Variants in FAM133B observed in about 807,000 individuals in gnomAD.
FAM133B encodes the protein family with sequence similarity 133 member B.
A neutral mutation model predicts 46.4 loss-of-function variants in FAM133B; 25 were observed. That is an observed-to-expected ratio of 0.54 (90% CI 0.39 to 0.75). FAM133B has a LOEUF of 0.75. Ranked by LOEUF, FAM133B falls within the 30% of genes least tolerant of loss-of-function variation. FAM133B has a pLI of 0.00. For missense variants in FAM133B, 205 were observed against 277.6 expected, an observed-to-expected ratio of 0.74 and a Z score of 1.86; for synonymous variants, 75 against 86.0, an observed-to-expected ratio of 0.87 and a Z score of 0.71.
At chr7:92,575,573 C>A (rs927005710) in intron 8 of FAM133B, among the ~76,000 whole-genome samples, 198 bp downstream of exon 8, 1 of 152,174 alleles carries the variant, frequency 6.6e-6, no homozygotes, top group African/African-American at 2.4e-5. Context: ...TATATAAATT[C>A]AAACTCTTGG....
At chr7:92,577,600 G>T in intron 6 of FAM133B, 55 bp downstream of exon 6, 1 of 1,404,412 alleles carries the variant, frequency 7.1e-7, no homozygotes, top group South Asian at 1.4e-5. Context: ...GTTTCCACTT[G>T]ACATTAAAGA....
intron 1 of FAM133B, among the ~76,000 whole-genome samples, chr7:92,585,712 A>C (rs942424815): frequency 3.9e-5 from 6 of 152,218 alleles, no homozygotes; most frequent in East Asian, 1.9e-4. Context: ...TTTAAAAATC[A>C]GAAAAATTAG....
At chr7:92,590,105 C>T in intron 1 of FAM133B, 163 bp downstream of exon 1, 2 of 986,640 alleles carry the variant, frequency 2.0e-6, no homozygotes, top group Admixed American at 2.7e-5. Flanking sequence ...CAACTGCGTG[C>T]GCGGCGCACG....
chr7:92,581,474 G>A lies in FAM133B; in HGVS notation c.122+32C>T, dbSNP rs950967742. 9.0e-6 allele frequency: 14 copies of A among 1,553,564 alleles called. No individual in the cohort carries two copies. The African/African-American group carries it at 1.8e-4, about 20-fold the overall frequency. On this transcript the variant is annotated intron_variant, in intron 2 of 10. Coordinates refer to ENST00000445716, the MANE Select transcript of FAM133B (RefSeq NM_152789.4). The stretch of plus-strand genomic sequence containing the variant: ...AATAAACTTTAAAAAGTTGATAAAA[G>A]CTTATAAATAGGTAAAGTGTTTCAC...
At chr7:92,563,732 A>G (rs1311391806) in intron 10 of FAM133B, among the ~76,000 whole-genome samples, 2 of 152,158 alleles carry the variant, frequency 1.3e-5, no homozygotes, top group Non-Finnish European at 2.9e-5. Context: ...CCAAATCCTC[A>G]GCCATCTTAG....
In FAM133B at chr7:92,565,149, CTTTTTT is replaced by C. The variant is rs72450473; in HGVS notation, c.657+859_657+864del. ...CAAACAGAAATTTGAGCTTATATTT[CTTTTTT>C]TTTTTTTTTTTTTAAGACGGAGTCT... is the stretch of plus-strand genomic sequence containing the variant. On this transcript the variant is annotated intron_variant, in intron 10 of 10. Transcript: ENST00000445716. Among the ~76,000 whole-genome samples the C allele has an allele frequency of 1.5e-5, 2 of 130,466 alleles. 1 individual carries two copies. The highest frequency in any genetic ancestry group is 3.3e-5 in the Non-Finnish European group (2 of 60,860). 85.6% of individuals were successfully genotyped at this position (130,466 alleles called of 152,430 possible). A position where few individuals can be genotyped will look rare whatever the true frequency, so the allele number is the denominator to read the frequency against.
intron 8 of FAM133B, among the ~76,000 whole-genome samples, chr7:92,575,258 C>T (rs1585306107): frequency 6.6e-6 from 1 of 152,246 alleles, no homozygotes. Flanking sequence ...GGCGCATCAC[C>T]TGAGGTCAGG....
intron 8 of FAM133B, among the ~76,000 whole-genome samples, chr7:92,574,316 A>C (rs920622111): frequency 6.6e-6 from 1 of 152,268 alleles, no homozygotes; most frequent in African/African-American, 2.4e-5. Context: ...GCTGAAAGAC[A>C]CAAAAGGTCG....
chr7:92,576,956 G>T, intron 7 of FAM133B, 147 bp downstream of exon 7: 1 of 418,346 alleles, frequency 2.4e-6, no homozygotes, highest in Non-Finnish European at 4.3e-6. Context: ...TCACATGCAA[G>T]ATATTATCAA....
intron 9 of FAM133B, among the ~76,000 whole-genome samples, chr7:92,569,364 TATG>T (rs201190573): frequency 0.012 from 1,877 of 152,320 alleles, 39 homozygotes; most frequent in Middle Eastern, 0.044. Flanking sequence ...AACGAAGTAA[TATG>T]ATATGTTTCC....
intron 1 of FAM133B, among the ~76,000 whole-genome samples, chr7:92,584,063 A>AG (rs1265651988): frequency 2.0e-5 from 3 of 150,336 alleles, no homozygotes; most frequent in Non-Finnish European, 4.4e-5. Flanking sequence ...AAAAAAAAAA[A>AG]AAAAAAAAAA....
chr7:92,584,808 A>G (rs1252741011), intron 1 of FAM133B, among the ~76,000 whole-genome samples: 3 of 152,190 alleles, frequency 2.0e-5, no homozygotes, highest in Non-Finnish European at 4.4e-5. Context: ...GTAAAACAGG[A>G]GTATTATTTG....
At chr7:92,575,596 T>C (rs1218919765) in intron 8 of FAM133B, among the ~76,000 whole-genome samples, 175 bp downstream of exon 8, 2 of 152,266 alleles carry the variant, frequency 1.3e-5, no homozygotes, top group Non-Finnish European at 2.9e-5. Flanking sequence ...TAGAATACTC[T>C]TTTGATCCTT....
intron 8 of FAM133B, among the ~76,000 whole-genome samples, chr7:92,571,205 T>C (rs1464664735): frequency 6.6e-6 from 1 of 152,204 alleles, no homozygotes; most frequent in Non-Finnish European, 1.5e-5. Flanking sequence ...TCTCCCACCA[T>C]GTCCAAAACT....
chr7:92,577,311 A>C (rs1387168453), intron 6 of FAM133B, 116 bp from the exon 7 acceptor site: 2 of 655,936 alleles, frequency 3.0e-6, no homozygotes, highest in Admixed American at 7.6e-5. Context: ...CAGTTTCTAT[A>C]TTTTTTTCTT....
chr7:92,578,177 C>T lies in FAM133B; in HGVS notation c.282G>A (p.Lys94=), dbSNP rs762003246. 3.1e-6 allele frequency: 5 copies of T among 1,609,094 alleles called. No homozygotes were observed. Among genetic ancestry groups the T allele is most frequent in the Non-Finnish European group, 4.2e-6 (5 of 1,178,280 alleles). Residue 94 remains lysine (K), a synonymous_variant, in exon 5 of 11, where the codon AAG becomes AAA. Coordinates refer to ENST00000445716, the MANE Select transcript of FAM133B (RefSeq NM_152789.4). ...TACCAGATTTCTTCTTTTCTTTTTT[C>T]TTTCTCTAAATGGAAACAAAAGTAC... ...SESSSKKRQR[K]KKEKKKSGRY...
intron 1 of FAM133B, among the ~76,000 whole-genome samples, chr7:92,587,291 T>C (rs1410927447): frequency 6.6e-6 from 1 of 152,196 alleles, no homozygotes; most frequent in Non-Finnish European, 1.5e-5. Flanking sequence ...ATGCCAATAT[T>C]TTCACAAGCA....
chr7:92,590,011 T>G (rs997572014), intron 1 of FAM133B: 4 of 572,710 alleles, frequency 7.0e-6, no homozygotes, highest in East Asian at 6.0e-5. Context: ...CAGGCAAGAG[T>G]GCAAACCAGC....
At chr7:92,582,409 C>A (rs757251232) in intron 1 of FAM133B, among the ~76,000 whole-genome samples, 5 of 152,048 alleles carry the variant, frequency 3.3e-5, no homozygotes, top group African/African-American at 4.8e-5. Context: ...TTGTCTCCCA[C>A]GAAATACTAT....
Sources: allele counts gnomAD v4.1 joint callset (sites outside exome capture counted in the v4.1 genomes callset), GRCh38; gene constraint gnomAD v4.1.1; transcripts MANE v1.5; gene names NCBI Gene and HGNC (gene_info 2026-07-23, HGNC 2026-07-21).